The following PAK2 variants were observed in gnomAD, a reference collection of about 807,000 sequenced individuals.
PAK2 encodes p21 (RAC1) activated kinase 2, also known as serine/threonine-protein kinase PAK 2.
In PAK2, 21 loss-of-function variants were observed where a neutral mutation model predicts 65.9. That is an observed-to-expected ratio of 0.32 (90% confidence interval 0.23 to 0.46). The LOEUF (loss-of-function observed/expected upper bound fraction) is 0.46. Among genes scored for constraint, PAK2 ranks in the 20% least tolerant of loss-of-function variants. The pLI is 1.00. For synonymous variants in PAK2, 204 were observed against 219.7 expected (o/e 0.93, Z 0.63); for missense variants, 324 against 642.6 (o/e 0.50, Z 5.36).
chr3:196,779,465 G>A (rs1714638288), intron 1 of PAK2, among the ~76,000 whole-genome samples: 1 of 152,138 alleles, frequency 6.6e-6, no homozygotes, highest in African/African-American at 2.4e-5. Flanking sequence ...TGAAGTGTAA[G>A]TCGGTGGTGG....
At chr3:196,748,409 A>G (rs1713462258) in intron 1 of PAK2, among the ~76,000 whole-genome samples, 1 of 152,166 alleles carries the variant, frequency 6.6e-6, no homozygotes, top group South Asian at 2.1e-4. Flanking sequence ...GTTTTGACAA[A>G]TGTATAACAA....
chr3:196,745,425 A>G (rs1713343653), intron 1 of PAK2, among the ~76,000 whole-genome samples: 1 of 150,952 alleles, frequency 6.6e-6, no homozygotes, highest in South Asian at 2.1e-4. Context: ...TGCCCAGCCC[A>G]TTGTGTTTCA....
chr3:196,759,489 G>GTTTTTTTTTTTTTTTTTTTTTTTTTT lies in PAK2; in HGVS notation c.-22+19340_-22+19341insTTTTTTTTTTTTTTTTTTTTTTTTTT, dbSNP rs1418582155. On this transcript the variant is annotated intron_variant, in intron 1 of 14. Transcript: ENST00000327134. ...ACCCTTTAAGGTATACAGTTAAGTG[G>GTTTTTTTTTTTTTTTTTTTTTTTTTT]TTTTTTTTGTTTTTTTTTTTTTTTT... Among the ~76,000 whole-genome samples, 9 of 98,880 alleles carry GTTTTTTTTTTTTTTTTTTTTTTTTTT rather than the reference G, an allele frequency of 9.1e-5. 1 individual carries two copies. Among genetic ancestry groups the GTTTTTTTTTTTTTTTTTTTTTTTTTT allele is most frequent in the Admixed American group, 1.2e-4 (1 of 8,240 alleles). The allele number at this position is 98,880 out of a possible 152,430, so 64.9% of individuals were successfully genotyped here. A position where few individuals can be genotyped will look rare whatever the true frequency, so the allele number is the denominator to read the frequency against.
intron 6 of PAK2, 23 bp from the exon 7 acceptor site, chr3:196,807,759 G>A: frequency 7.2e-7 from 1 of 1,384,974 alleles, no homozygotes; most frequent in Non-Finnish European, 1.0e-6. Context: ...CTCAAACCTT[G>A]GTAATGAACT....
chr3:196,753,040 G>A (rs994959700), intron 1 of PAK2, among the ~76,000 whole-genome samples: 2 of 151,002 alleles, frequency 1.3e-5, no homozygotes, highest in Non-Finnish European at 1.5e-5. Flanking sequence ...GAGTGCAGTG[G>A]TGCCGATGGC....
intron 1 of PAK2, among the ~76,000 whole-genome samples, chr3:196,744,094 A>G (rs1713293878): frequency 1.3e-5 from 2 of 152,136 alleles, no homozygotes; most frequent in African/African-American, 2.4e-5. Context: ...ATAAAAGTTG[A>G]AAAGTGGGCA....
intron 11 of PAK2, among the ~76,000 whole-genome samples, chr3:196,814,870 G>T (rs895272313): frequency 6.6e-6 from 1 of 152,224 alleles, no homozygotes; most frequent in East Asian, 1.9e-4. Context: ...GAGTAAAAGG[G>T]TATATATCAT....
At chr3:196,815,554 C>T (rs374647078) in intron 11 of PAK2, among the ~76,000 whole-genome samples, 96 of 151,546 alleles carry the variant, frequency 6.3e-4, no homozygotes, top group African/African-American at 1.9e-3. Context: ...TTTGGGAGGC[C>T]GAGGCGGGCA....
chr3:196,789,013 G>C (rs1241969899), intron 2 of PAK2, among the ~76,000 whole-genome samples: 1 of 152,174 alleles, frequency 6.6e-6, no homozygotes, highest in Non-Finnish European at 1.5e-5. Flanking sequence ...AACCATTACA[G>C]ATTTTTAATC....
intron 7 of PAK2, among the ~76,000 whole-genome samples, chr3:196,808,315 C>A (rs1715653773): frequency 6.6e-6 from 1 of 151,504 alleles, no homozygotes; most frequent in Admixed American, 6.6e-5. Flanking sequence ...GTAATCCCAG[C>A]ACTTTGGGAG....
At chr3:196,815,330 A>C (rs1220157677) in intron 11 of PAK2, among the ~76,000 whole-genome samples, 1 of 151,550 alleles carries the variant, frequency 6.6e-6, no homozygotes, top group Non-Finnish European at 1.5e-5. Flanking sequence ...CATCTCTACT[A>C]AAAATACAAA....
chr3:196,741,498 A>G (rs1380797548), intron 1 of PAK2, among the ~76,000 whole-genome samples: 3 of 152,198 alleles, frequency 2.0e-5, no homozygotes, highest in Non-Finnish European at 4.4e-5. Flanking sequence ...ATCCTCGGCT[A>G]TTAAATCTTT....
At chr3:196,824,058 G>T (rs1255248520) in intron 13 of PAK2, among the ~76,000 whole-genome samples, 2 of 152,074 alleles carry the variant, frequency 1.3e-5, no homozygotes, top group Non-Finnish European at 2.9e-5. Context: ...GATAGACAAG[G>T]CCTCAAGAAG....
At chr3:196,755,326 T>A (rs1232992968) in intron 1 of PAK2, among the ~76,000 whole-genome samples, 1 of 152,194 alleles carries the variant, frequency 6.6e-6, no homozygotes, top group East Asian at 1.9e-4. Context: ...ATAAATCTAG[T>A]GAGGCTGAAA....
chr3:196,795,114 A>G (rs1318009853), intron 2 of PAK2, among the ~76,000 whole-genome samples: 3 of 152,156 alleles, frequency 2.0e-5, no homozygotes, highest in African/African-American at 2.4e-5. Flanking sequence ...ATTTGAGCAT[A>G]GGAAACATGA....
At chr3:196,747,525 C>A (rs1391393160) in intron 1 of PAK2, among the ~76,000 whole-genome samples, 3 of 152,112 alleles carry the variant, frequency 2.0e-5, no homozygotes, top group Non-Finnish European at 4.4e-5. Context: ...TATTTTCTTT[C>A]ATTGTTGTCA....
chr3:196,787,971 G>A lies in PAK2; in HGVS notation c.187+5138G>A, dbSNP rs538491988. On this transcript the variant is annotated intron_variant, in intron 2 of 14. Transcript: ENST00000327134. ...TCTGTTGCTCTCACTGGATTATCCC[G>A]TTCATCACCCTAGTGGTTGCCTCTG... Among the ~76,000 whole-genome samples, 12 of 152,328 alleles carry A rather than the reference G, an allele frequency of 7.9e-5. No homozygotes were observed. In the South Asian group the frequency reaches 8.3e-4, roughly 11 times the overall value.
At chr3:196,777,350 C>T (rs978293406) in intron 1 of PAK2, among the ~76,000 whole-genome samples, 7 of 152,040 alleles carry the variant, frequency 4.6e-5, no homozygotes, top group East Asian at 1.9e-4. Flanking sequence ...ACTACAGACA[C>T]GCGCCACCAC....
chr3:196,806,798 T>G, intron 6 of PAK2, 112 bp downstream of exon 6: 1 of 678,070 alleles, frequency 1.5e-6, no homozygotes, highest in Non-Finnish European at 2.7e-6. Flanking sequence ...AAGTTTAAAA[T>G]CGTTTAGTAT....
Sources: gnomAD v4.1 joint callset for allele counts (sites outside exome capture counted in the v4.1 genomes callset) on GRCh38, gnomAD v4.1.1 for gene constraint, MANE v1.5 for transcripts, NCBI Gene and HGNC (gene_info 2026-07-23, HGNC 2026-07-21) for gene names.